COL4A4: variants seen among roughly 807,000 people sequenced by gnomAD.
COL4A4 encodes the protein collagen type IV alpha 4 chain, also known as collagen alpha-4(IV) chain.
Under a neutral mutation model 192.9 loss-of-function variants are expected in COL4A4, and 105 were observed. That is an observed-to-expected ratio of 0.54 (90% CI 0.46 to 0.64). The LOEUF (loss-of-function observed/expected upper bound fraction) is 0.64. Among genes scored for constraint, COL4A4 ranks in the 30% least tolerant of loss-of-function variants. The pLI is 0.00. For synonymous variants in COL4A4, 762 were observed against 769.9 expected (o/e 0.99, Z 0.17); for missense variants, 1,967 against 2,169.3 (o/e 0.91, Z 1.85).
chr2:227,149,626 G>C (rs2063783307), intron 1 of COL4A4, among the ~76,000 whole-genome samples: 1 of 145,340 alleles, frequency 6.9e-6, no homozygotes, highest in Admixed American at 7.1e-5. Flanking sequence ...AACAGCATTT[G>C]ATATTTTTTA....
intron 32 of COL4A4, 38 bp from the exon 33 acceptor site, chr2:227,051,196 T>G: frequency 6.2e-7 from 1 of 1,609,878 alleles, no homozygotes; most frequent in African/African-American, 1.3e-5. Flanking sequence ...TCTGCTGAAA[T>G]TTTGAGCTAG....
At chr2:227,118,807 A>T (rs746070888) in intron 6 of COL4A4, 46 bp from the exon 7 acceptor site, 3 of 1,209,670 alleles carry the variant, frequency 2.5e-6, no homozygotes, top group Admixed American at 3.4e-5. Context: ...CGAAAATATC[A>T]TTACATAAAG....
At chr2:227,027,633 T>TA (rs1313743154) in intron 42 of COL4A4, among the ~76,000 whole-genome samples, 4 of 114,834 alleles carry the variant, frequency 3.5e-5, no homozygotes, top group East Asian at 2.3e-4. Flanking sequence ...TAAAGTATAA[T>TA]AAAAAATATA....
intron 19 of COL4A4, among the ~76,000 whole-genome samples, chr2:227,097,439 A>T (rs2060262794): frequency 1.3e-5 from 2 of 152,228 alleles, no homozygotes; most frequent in South Asian, 4.1e-4. Context: ...ATGTAAAATC[A>T]AATGCATTTC....
intron 2 of COL4A4, among the ~76,000 whole-genome samples, chr2:227,147,123 T>G (rs2063596805): frequency 6.6e-6 from 1 of 152,208 alleles, no homozygotes; most frequent in Non-Finnish European, 1.5e-5. Context: ...ACCCTGAAAC[T>G]TTGGGCATAT....
chr2:227,094,091 A>C, intron 20 of COL4A4, 34 bp downstream of exon 20: 1 of 1,589,164 alleles, frequency 6.3e-7, no homozygotes, highest in South Asian at 1.1e-5. Flanking sequence ...AAAGCAGCAT[A>C]AATGCTAATG....
chr2:226,969,642 C>A, the COL4A4 span, among the ~76,000 whole-genome samples: 1 of 152,146 alleles, frequency 6.6e-6, no homozygotes, highest in Non-Finnish European at 1.5e-5. Context: ...CTTTTCAGAA[C>A]TGTGTCCTAC....
the COL4A4 span, among the ~76,000 whole-genome samples, chr2:226,987,442 C>T: frequency 2.0e-5 from 3 of 152,200 alleles, no homozygotes; most frequent in African/African-American, 7.2e-5. Context: ...GCCCAGCTGC[C>T]AAAAGTCATG....
At chr2:227,138,094 G>A (rs1359198062) in intron 4 of COL4A4, among the ~76,000 whole-genome samples, 2 of 151,422 alleles carry the variant, frequency 1.3e-5, no homozygotes, top group African/African-American at 4.9e-5. Context: ...CCAGGAGTTT[G>A]AGAACAGCCT....
chr2:227,145,811 T>C (rs915638614), intron 2 of COL4A4, among the ~76,000 whole-genome samples: 5 of 152,218 alleles, frequency 3.3e-5, no homozygotes, highest in African/African-American at 4.8e-5. Flanking sequence ...CCATACTTAA[T>C]GGCTCCCACA....
At chr2:226,974,029 C>T in the COL4A4 span, among the ~76,000 whole-genome samples, 1 of 152,148 alleles carries the variant, frequency 6.6e-6, no homozygotes, top group Admixed American at 6.5e-5. Context: ...CACATGCTTG[C>T]CTCCTTACCC....
chr2:227,039,772 G>A (rs1970409900), intron 37 of COL4A4, among the ~76,000 whole-genome samples: 1 of 152,214 alleles, frequency 6.6e-6, no homozygotes, highest in Admixed American at 6.5e-5. Context: ...GAAGGCTGTA[G>A]AGATGGTCAG....
At chr2:227,000,716 G>A (rs1478710727), downstream of COL4A4, among the ~76,000 whole-genome samples, 1 of 151,852 alleles carries the variant, frequency 6.6e-6, no homozygotes, top group Non-Finnish European at 1.5e-5. Context: ...GGCTCCAGAG[G>A]TAATATGGTT....
At chr2:227,090,932 C>A (rs999962343) in intron 20 of COL4A4, among the ~76,000 whole-genome samples, 1 of 147,036 alleles carries the variant, frequency 6.8e-6, no homozygotes, top group African/African-American at 2.5e-5. Flanking sequence ...GAGAAAGAAC[C>A]TGATTTACCC....
At chr2:227,007,950 G>T (rs1255428777) in intron 47 of COL4A4, 68 bp downstream of exon 47, 5 of 1,573,850 alleles carry the variant, frequency 3.2e-6, no homozygotes, top group Non-Finnish European at 4.3e-6. Flanking sequence ...CCAATCCAGA[G>T]AGAAATGGCG....
rs144285241 is a variant in COL4A4 at position 227,016,088 on chromosome 2, C to T, written c.4217-3791G>A. Among the ~76,000 whole-genome samples, 1,414 of 152,134 alleles carry T rather than the reference C, an allele frequency of 9.3e-3. 20 individuals are homozygous for T. Among genetic ancestry groups the T allele is most frequent in the African/African-American group, 0.032 (1,332 of 41,494 alleles). On this transcript the variant is annotated intron_variant, in intron 44 of 47. Coordinates refer to ENST00000396625, the MANE Select transcript of COL4A4 (RefSeq NM_000092.5). ...CGCCCCACCCCACCCCTCACCCCAG[C>T]AGACACTTGGCAATGTCTGGAGGCA...
chr2:227,114,898 T>C (rs1355354041), intron 7 of COL4A4, among the ~76,000 whole-genome samples: 1 of 152,224 alleles, frequency 6.6e-6, no homozygotes, highest in Non-Finnish European at 1.5e-5. Context: ...TTAAGATCTG[T>C]TAAGGAATCT....
At chr2:227,093,891 GTATTA>G (rs1278289520) in intron 20 of COL4A4, among the ~76,000 whole-genome samples, 1 of 151,888 alleles carries the variant, frequency 6.6e-6, no homozygotes, top group African/African-American at 2.4e-5. Context: ...AAAAAAATTG[GTATTA>G]TTTTACCAAG....
At chr2:226,988,425 A>G in the COL4A4 span, 5 of 1,550,468 alleles carry the variant, frequency 3.2e-6, no homozygotes, top group Non-Finnish European at 4.4e-6. Context: ...GGAAGCCTGA[A>G]GCAGGCCGCA....
Sources: gnomAD v4.1 joint callset for allele counts (sites outside exome capture counted in the v4.1 genomes callset) on GRCh38, gnomAD v4.1.1 for gene constraint, MANE v1.5 for transcripts, NCBI Gene and HGNC (gene_info 2026-07-23, HGNC 2026-07-21) for gene names.